The following ARHGAP20 variants were observed in gnomAD, a reference collection of about 807,000 sequenced individuals.
The protein encoded by ARHGAP20 is rho GTPase-activating protein 20.
A neutral mutation model predicts 73.7 loss-of-function variants in ARHGAP20; 34 were observed. The ratio of observed to expected loss-of-function variants is 0.46; its 90% confidence interval spans 0.35 to 0.61. ARHGAP20 has a LOEUF of 0.61. Ranked by LOEUF, ARHGAP20 falls within the 20% of genes least tolerant of loss-of-function variation. ARHGAP20 has a pLI of 0.00. For synonymous variants in ARHGAP20, 523 were observed against 518.2 expected, an observed-to-expected ratio of 1.01 and a Z score of -0.13; for missense variants, 1,314 against 1,420.9, an observed-to-expected ratio of 0.92 and a Z score of 1.21.
intron 1 of ARHGAP20, among the ~76,000 whole-genome samples, chr11:110,700,797 T>A (rs910734762): frequency 8.5e-5 from 12 of 141,164 alleles, no homozygotes; most frequent in African/African-American, 2.9e-4. Context: ...TGTCCATGTG[T>A]TCTCATTGTT....
At chr11:110,660,064 A>ACAAAC (rs753362690) in intron 2 of ARHGAP20, among the ~76,000 whole-genome samples, 5 of 128,826 alleles carry the variant, frequency 3.9e-5, no homozygotes, top group African/African-American at 1.8e-4. Flanking sequence ...TAAAAAACAA[A>ACAAAC]AAAAAAAAAA....
intron 2 of ARHGAP20, among the ~76,000 whole-genome samples, chr11:110,666,962 GC>G (rs1467434506): frequency 1.3e-5 from 2 of 152,202 alleles, no homozygotes; most frequent in South Asian, 2.1e-4. Context: ...TTCTATGAAG[GC>G]TGAGATCAGT....
chr11:110,692,943 A>G (rs1209368017), intron 1 of ARHGAP20, among the ~76,000 whole-genome samples: 1 of 152,020 alleles, frequency 6.6e-6, no homozygotes, highest in African/African-American at 2.4e-5. Context: ...CAGAACCCCC[A>G]TGAAATGGAT....
intron 9 of ARHGAP20, among the ~76,000 whole-genome samples, chr11:110,600,359 A>G (rs1208692135): frequency 1.3e-5 from 2 of 152,234 alleles, no homozygotes; most frequent in African/African-American, 4.8e-5. Context: ...AGTGCCAGCC[A>G]TAGAAGCTGC....
At chr11:110,648,240 A>AATATATATATGTAT (rs1949264792) in intron 2 of ARHGAP20, among the ~76,000 whole-genome samples, 1 of 92,718 alleles carries the variant, frequency 1.1e-5, no homozygotes, top group African/African-American at 3.7e-5. Context: ...TATATATGTA[A>AATATATATATGTAT]ATATATATAT....
intron 9 of ARHGAP20, among the ~76,000 whole-genome samples, chr11:110,606,256 C>T (rs968497709): frequency 2.0e-5 from 3 of 152,102 alleles, no homozygotes; most frequent in Non-Finnish European, 4.4e-5. Context: ...TATTACAGTA[C>T]AAAGAAGGCA....
At chr11:110,583,067 G>A (rs1234657047) in intron 13 of ARHGAP20, among the ~76,000 whole-genome samples, 3 of 152,344 alleles carry the variant, frequency 2.0e-5, no homozygotes, top group African/African-American at 2.4e-5. Flanking sequence ...GAAATGTTAA[G>A]AGCAAAGGGA....
intron 2 of ARHGAP20, among the ~76,000 whole-genome samples, chr11:110,671,988 G>C (rs1216022473): frequency 1.3e-5 from 2 of 152,002 alleles, no homozygotes; most frequent in Non-Finnish European, 2.9e-5. Context: ...ATATCCATAG[G>C]AAAAATAATA....
In ARHGAP20 at chr11:110,606,894, C is replaced by T. The variant is rs895489296; in HGVS notation, c.776-145G>A. ...GTTTGACAGAATGATCATTTACACT[C>T]TTACAGTTGGAGACCAGTATGCAGG... On this transcript the variant is annotated intron_variant, in intron 8 of 14. Coordinates refer to ENST00000683387, the MANE Select transcript of ARHGAP20 (RefSeq NM_001384657.1). 7 of 696,956 alleles carry T rather than the reference C, an allele frequency of 1.0e-5. No individual in the cohort carries two copies. The South Asian group carries it at 2.1e-4, about 21-fold the overall frequency. 43.2% of individuals were successfully genotyped at this position (696,956 alleles called of 1,614,324 possible).
At chr11:110,707,403 T>C (rs1950569478) in intron 1 of ARHGAP20, among the ~76,000 whole-genome samples, 1 of 152,158 alleles carries the variant, frequency 6.6e-6, no homozygotes, top group Non-Finnish European at 1.5e-5. Flanking sequence ...CTATATGCTA[T>C]TACATTTTAG....
At chr11:110,633,614 C>T (rs1270730201) in intron 2 of ARHGAP20, among the ~76,000 whole-genome samples, 1 of 152,102 alleles carries the variant, frequency 6.6e-6, no homozygotes, top group Non-Finnish European at 1.5e-5. Context: ...TTACTCTTTT[C>T]CTGTGCTAGC....
In ARHGAP20 at chr11:110,579,375, T is replaced by C. The variant is rs1947371439; in HGVS notation, c.3571A>G (p.Ile1191Val). 1.3e-6 allele frequency: 2 copies of C among 1,585,652 alleles called. No homozygotes were observed. The highest frequency in any genetic ancestry group is 1.1e-5 in the South Asian group (1 of 89,498). The part of the protein sequence containing the change: ...DIEDRYLTKD[I>V] ...ACATCAGATTCTTACTATGCTTAAA[T>C]GTCTTTGGTTAAATACCTGTCCTCA... is the stretch of plus-strand genomic sequence containing the variant. The change falls in exon 15 of 15, where the codon ATT (isoleucine) becomes GTT (valine). Residue 1191 changes from isoleucine (I) to valine (V), a missense_variant. Coordinates refer to ENST00000683387, the MANE Select transcript of ARHGAP20 (RefSeq NM_001384657.1).
intron 4 of ARHGAP20, among the ~76,000 whole-genome samples, chr11:110,619,311 T>C (rs189668344): frequency 2.5e-4 from 35 of 141,192 alleles, no homozygotes; most frequent in Admixed American, 2.4e-3. Context: ...AGCATATATG[T>C]AGAGTGTATG....
At chr11:110,589,175 C>T (rs1433567312) in intron 11 of ARHGAP20, among the ~76,000 whole-genome samples, 1 of 152,156 alleles carries the variant, frequency 6.6e-6, no homozygotes, top group African/African-American at 2.4e-5. Context: ...GCATATATAT[C>T]TGGCTACATA....
At chr11:110,668,182 T>C (rs1300098985) in intron 2 of ARHGAP20, among the ~76,000 whole-genome samples, 1 of 152,204 alleles carries the variant, frequency 6.6e-6, no homozygotes, top group African/African-American at 2.4e-5. Flanking sequence ...CATTGTTGTC[T>C]TATTTCAAGA....
At chr11:110,690,971 C>G in intron 1 of ARHGAP20, 4 of 1,508,028 alleles carry the variant, frequency 2.7e-6, no homozygotes, top group Non-Finnish European at 3.6e-6. Context: ...ACATGGATTA[C>G]CTTATTTATT....
intron 2 of ARHGAP20, among the ~76,000 whole-genome samples, chr11:110,677,998 A>G (rs1949966569): frequency 6.6e-6 from 1 of 152,258 alleles, no homozygotes; most frequent in Admixed American, 6.5e-5. Context: ...ATGAATGAAT[A>G]AACAAAATGT....
intron 13 of ARHGAP20, 49 bp downstream of exon 13, chr11:110,583,499 A>G (rs1215065096): frequency 6.9e-7 from 1 of 1,442,964 alleles, no homozygotes; most frequent in African/African-American, 1.4e-5. Flanking sequence ...TTTCAGTTTC[A>G]AAACGGGGAC....
intron 2 of ARHGAP20, among the ~76,000 whole-genome samples, chr11:110,684,966 T>C (rs1482159476): frequency 6.6e-6 from 1 of 152,102 alleles, no homozygotes. Context: ...GGGTACCACA[T>C]TCACTGTTTG....
Sources: allele counts gnomAD v4.1 joint callset (sites outside exome capture counted in the v4.1 genomes callset), GRCh38; gene constraint gnomAD v4.1.1; transcripts MANE v1.5; gene names NCBI Gene and HGNC (gene_info 2026-07-23, HGNC 2026-07-21).